The following ADAMTS17 variants were observed in gnomAD, a reference collection of about 807,000 sequenced individuals.
The protein encoded by ADAMTS17 is A disintegrin and metalloproteinase with thrombospondin motifs 17.
Under a neutral mutation model 141.5 loss-of-function variants are expected in ADAMTS17, and 113 were observed. The observed-to-expected ratio is 0.80, with a 90% confidence interval of 0.69 to 0.93. ADAMTS17 has a LOEUF of 0.93. Ranked by LOEUF, ADAMTS17 falls within the 40% of genes least tolerant of loss-of-function variation. The pLI is 0.00. For missense variants in ADAMTS17, 1,659 were observed against 1,517.9 expected (o/e 1.09, Z -1.54); for synonymous variants, 768 against 630.6 (o/e 1.22, Z -3.27).
chr15:100,003,103 C>T (rs908694275), intron 18 of ADAMTS17, among the ~76,000 whole-genome samples: 1 of 152,070 alleles, frequency 6.6e-6, no homozygotes, highest in Non-Finnish European at 1.5e-5. Context: ...AAACAAGCTC[C>T]ACCTGCCGAG....
At chr15:100,042,674 A>C (rs2031353549) in intron 18 of ADAMTS17, among the ~76,000 whole-genome samples, 1 of 152,182 alleles carries the variant, frequency 6.6e-6, no homozygotes, top group Non-Finnish European at 1.5e-5. Flanking sequence ...AGTTGATCTA[A>C]CTGAGATGGC....
intron 7 of ADAMTS17, among the ~76,000 whole-genome samples, chr15:100,227,220 A>G (rs528228650): frequency 3.9e-5 from 6 of 152,142 alleles, no homozygotes; most frequent in Admixed American, 1.3e-4. Flanking sequence ...CTCACAGGCT[A>G]AAGTCAAACC....
chr15:100,140,396 A>T (rs1010601970), intron 10 of ADAMTS17, among the ~76,000 whole-genome samples: 10 of 151,878 alleles, frequency 6.6e-5, no homozygotes, highest in African/African-American at 2.4e-4. Context: ...GTTAAAAAAT[A>T]ACACAATTTT....
intron 18 of ADAMTS17, among the ~76,000 whole-genome samples, chr15:100,040,470 T>C (rs1225532827): frequency 6.6e-6 from 1 of 152,202 alleles, no homozygotes; most frequent in Non-Finnish European, 1.5e-5. Flanking sequence ...AACTGTGACA[T>C]AAAAAGTCAA....
intron 3 of ADAMTS17, among the ~76,000 whole-genome samples, chr15:100,286,109 G>GACCAGCCTCCACCGACGCA (rs2044438113): frequency 1.3e-5 from 2 of 151,940 alleles, no homozygotes; most frequent in African/African-American, 4.8e-5. Context: ...CCACCGACGC[G>GACCAGCCTCCACCGACGCA]ACCAGCCCAC....
At chr15:100,065,040 T>G (rs192132839) in intron 15 of ADAMTS17, among the ~76,000 whole-genome samples, 117 of 152,296 alleles carry the variant, frequency 7.7e-4, no homozygotes, top group African/African-American at 2.6e-3. Context: ...AATACCTATT[T>G]TGAGGGGTTT....
intron 8 of ADAMTS17, among the ~76,000 whole-genome samples, chr15:100,179,754 A>G (rs536764990): frequency 2.0e-5 from 3 of 152,258 alleles, no homozygotes; most frequent in East Asian, 1.9e-4. Flanking sequence ...GGGTGAGATG[A>G]TATCTCATGG....
In ADAMTS17 at chr15:100,076,415, T is replaced by G. The variant is rs1423106301; in HGVS notation, c.2137+19941A>C. On this transcript the variant is annotated intron_variant, in intron 15 of 21. Transcript: ENST00000268070. ...TTATGGCAGTAACTCTGGGTCACAA[T>G]TTTCATCTTTTCCTTGGTAAGATTT... 3.9e-5 allele frequency among the ~76,000 whole-genome samples: 6 copies of G among 152,212 alleles called. 1 individual carries two copies. The highest frequency in any genetic ancestry group is 4.4e-5 in the Non-Finnish European group (3 of 68,036).
intron 4 of ADAMTS17, among the ~76,000 whole-genome samples, chr15:100,279,843 C>T (rs1038218045): frequency 2.6e-5 from 4 of 152,200 alleles, no homozygotes; most frequent in Non-Finnish European, 4.4e-5. Context: ...GTTTCTGCTT[C>T]TCATTTCCCA....
intron 3 of ADAMTS17, among the ~76,000 whole-genome samples, chr15:100,307,597 C>T (rs547204293): frequency 3.3e-5 from 5 of 152,316 alleles, no homozygotes; most frequent in African/African-American, 4.8e-5. Flanking sequence ...CTAAGCAATG[C>T]AGACCTCCTG....
intron 18 of ADAMTS17, among the ~76,000 whole-genome samples, chr15:99,998,596 T>C (rs1266312538): frequency 6.6e-6 from 1 of 152,158 alleles, no homozygotes; most frequent in East Asian, 1.9e-4. Context: ...AGAGTGAGAC[T>C]GTATCCCCCA....
chr15:99,977,841 T>G (rs2060397453), intron 20 of ADAMTS17, among the ~76,000 whole-genome samples: 1 of 152,072 alleles, frequency 6.6e-6, no homozygotes, highest in South Asian at 2.1e-4. Context: ...AATGGTCTCT[T>G]CTCCCTTACA....
At position 100,096,343 on chromosome 15, in the gene ADAMTS17, G is replaced by C. The variant is rs2035755081; in HGVS notation, c.2137+13C>G. ...ACACTGTAGCCACAGCAGCCCCATG[G>C]GCCAACACTCACCTGTCCCCCGGGC... On this transcript the variant is annotated intron_variant, in intron 15 of 21. Coordinates refer to ENST00000268070, the MANE Select transcript of ADAMTS17 (RefSeq NM_139057.4). The C allele has an allele frequency of 3.1e-6, 5 of 1,612,874 alleles. No individual in the cohort carries two copies. Among genetic ancestry groups the C allele is most frequent in the Non-Finnish European group, 4.2e-6 (5 of 1,180,036 alleles).
chr15:100,322,746 TA>T (rs1049068207), intron 3 of ADAMTS17, among the ~76,000 whole-genome samples: 1 of 152,162 alleles, frequency 6.6e-6, no homozygotes, highest in African/African-American at 2.4e-5. Flanking sequence ...TGACACTACT[TA>T]AAAAATGGAA....
At position 100,164,166 on chromosome 15, in the gene ADAMTS17, C is replaced by T. The variant is rs140567559; in HGVS notation, c.1182-8846G>A. The stretch of plus-strand genomic sequence containing the variant: ...CCAGGGACACGTGCATACACAGTGG[C>T]CAGCTCAAAGTCCCAGCCAGCCTCC... On this transcript the variant is annotated intron_variant, in intron 8 of 21. Transcript: ENST00000268070. Among the ~76,000 whole-genome samples the T allele has an allele frequency of 3.0e-3, 458 of 152,290 alleles. 8 individuals are homozygous for T. Among genetic ancestry groups the T allele is most frequent in the Admixed American group, 0.024 (367 of 15,296 alleles).
intron 4 of ADAMTS17, among the ~76,000 whole-genome samples, chr15:100,269,337 T>G (rs978128866): frequency 6.6e-6 from 1 of 152,236 alleles, no homozygotes; most frequent in Admixed American, 6.5e-5. Flanking sequence ...CATTTCTTTA[T>G]GTACCCAGGA....
chr15:100,077,024 C>A (rs182842862), intron 15 of ADAMTS17, among the ~76,000 whole-genome samples: 114 of 152,096 alleles, frequency 7.5e-4, no homozygotes, highest in African/African-American at 2.6e-3. Context: ...AACACTGTAT[C>A]ATATATGAAT....
At chr15:100,275,367 G>C (rs2044045976) in intron 4 of ADAMTS17, among the ~76,000 whole-genome samples, 1 of 152,234 alleles carries the variant, frequency 6.6e-6, no homozygotes, top group Non-Finnish European at 1.5e-5. Flanking sequence ...ATGCTGCCTA[G>C]TGACAAAGTT....
chr15:100,317,085 A>C (rs528185279), intron 3 of ADAMTS17, among the ~76,000 whole-genome samples: 19 of 152,358 alleles, frequency 1.2e-4, no homozygotes, highest in African/African-American at 4.6e-4. Flanking sequence ...AATTATCAGC[A>C]CAACACCCCT....
Sources: gnomAD v4.1 joint callset for allele counts (sites outside exome capture counted in the v4.1 genomes callset) on GRCh38, gnomAD v4.1.1 for gene constraint, MANE v1.5 for transcripts, NCBI Gene and HGNC (gene_info 2026-07-23, HGNC 2026-07-21) for gene names.